SORCS1: variants seen among roughly 807,000 people sequenced by gnomAD.
The protein encoded by SORCS1 is sortilin related VPS10 domain containing receptor 1.
SORCS1 carries 60 observed loss-of-function variants against 146.1 expected under a neutral mutation model. The ratio of observed to expected loss-of-function variants is 0.41; its 90% confidence interval spans 0.33 to 0.51. The LOEUF (loss-of-function observed/expected upper bound fraction) is 0.51, where lower values mean the gene tolerates loss of function less well. Ranked by LOEUF, SORCS1 falls within the 20% of genes least tolerant of loss-of-function variation. The pLI, the probability that SORCS1 is intolerant of heterozygous loss-of-function variation, is 0.21. For missense variants in SORCS1, 1,352 were observed against 1,487.6 expected (o/e 0.91, Z 1.50); for synonymous variants, 637 against 584.0 (o/e 1.09, Z -1.31).
chr10:106,843,050 C>G (rs1350193004), intron 2 of SORCS1, among the ~76,000 whole-genome samples: 1 of 152,134 alleles, frequency 6.6e-6, no homozygotes, highest in Non-Finnish European at 1.5e-5. Context: ...GAAATAATTA[C>G]CACAATCTAC....
At chr10:106,997,874 C>T (rs1001760615) in intron 1 of SORCS1, among the ~76,000 whole-genome samples, 2 of 152,174 alleles carry the variant, frequency 1.3e-5, no homozygotes, top group Non-Finnish European at 1.5e-5. Flanking sequence ...TCCCAGTAAC[C>T]GCCCTCTCAA....
intron 1 of SORCS1, among the ~76,000 whole-genome samples, chr10:107,147,138 G>C (rs144720280): frequency 6.6e-6 from 1 of 152,134 alleles, no homozygotes; most frequent in Non-Finnish European, 1.5e-5. Flanking sequence ...GAAAGAAAAC[G>C]TAAGTTTAAC....
In SORCS1 at chr10:106,642,034, A is replaced by G. The variant is rs189973569; in HGVS notation, c.2475+10348T>C. Among the ~76,000 whole-genome samples, 4 of 152,350 alleles carry G rather than the reference A, an allele frequency of 2.6e-5. No individual in the cohort carries two copies. In the East Asian group the frequency reaches 7.7e-4, roughly 29 times the overall value. On this transcript the variant is annotated intron_variant, in intron 18 of 25. Coordinates refer to ENST00000263054, the MANE Select transcript of SORCS1 (RefSeq NM_052918.5). Reference sequence around the variant, plus strand: ...GTCAAAGAACAAATAAATAAATACAAACATCTAACTATTTGCTGAGACAGT... The same window carrying G: ...GTCAAAGAACAAATAAATAAATACAGACATCTAACTATTTGCTGAGACAGT...
At chr10:106,743,832 T>TA (rs1049256728) in intron 5 of SORCS1, among the ~76,000 whole-genome samples, 27 of 151,972 alleles carry the variant, frequency 1.8e-4, no homozygotes, top group African/African-American at 4.8e-4. Context: ...TATACAGAAG[T>TA]AAAAAAAAGG....
chr10:106,805,855 G>A (rs377463742), intron 3 of SORCS1, among the ~76,000 whole-genome samples: 7 of 151,498 alleles, frequency 4.6e-5, no homozygotes, highest in African/African-American at 1.7e-4. Context: ...TCAGGAGATC[G>A]AGACCATCCT....
rs58286732 is a variant in SORCS1 at position 107,088,806 on chromosome 10, T to C, written c.558+75163A>G. ...AAAATTTCATGAACAACTTCTATTG[T>C]AGCCCCTGAATTTGTCATGGTTCCT... On this transcript the variant is annotated intron_variant, in intron 1 of 25. Coordinates refer to ENST00000263054, the MANE Select transcript of SORCS1 (RefSeq NM_052918.5). Among the ~76,000 whole-genome samples the C allele has an allele frequency of 8.6e-3, 1,314 of 152,350 alleles. 28 individuals are homozygous for C. Among genetic ancestry groups the C allele is most frequent in the African/African-American group, 0.03 (1,251 of 41,582 alleles).
chr10:106,641,705 G>A (rs1436034429), intron 18 of SORCS1, among the ~76,000 whole-genome samples: 1 of 152,100 alleles, frequency 6.6e-6, no homozygotes, highest in Non-Finnish European at 1.5e-5. Context: ...AATCAGGAGT[G>A]ACATGATTCT....
In SORCS1 at chr10:106,661,985, G is replaced by T. The variant is rs576950941; in HGVS notation, c.2303+5704C>A. ...CTACTGTTCCACTGTGTGGGTATGA[G>T]AAACCCTGACGCCACTGGACCAAGG... On this transcript the variant is annotated intron_variant, in intron 17 of 25. Coordinates refer to ENST00000263054, the MANE Select transcript of SORCS1 (RefSeq NM_052918.5). 7.3e-4 allele frequency among the ~76,000 whole-genome samples: 111 copies of T among 152,328 alleles called. 1 individual carries two copies. Among genetic ancestry groups the T allele is most frequent in the African/African-American group, 2.5e-3 (106 of 41,586 alleles).
At chr10:107,073,066 G>T (rs1042385952) in intron 1 of SORCS1, among the ~76,000 whole-genome samples, 18 of 152,252 alleles carry the variant, frequency 1.2e-4, no homozygotes, top group Middle Eastern at 3.4e-3. Flanking sequence ...TCACTGTCTG[G>T]TCTCAATTAC....
intron 1 of SORCS1, among the ~76,000 whole-genome samples, chr10:107,002,318 G>C (rs75539045): frequency 3.6e-4 from 55 of 152,140 alleles, no homozygotes; most frequent in Non-Finnish European, 7.3e-4. Context: ...AGGTCAGACC[G>C]TATTGGAACT....
intron 1 of SORCS1, among the ~76,000 whole-genome samples, chr10:107,038,119 G>A (rs1207637045): frequency 1.3e-5 from 2 of 152,134 alleles, no homozygotes; most frequent in Admixed American, 6.6e-5. Flanking sequence ...CACTGCACCC[G>A]GCCCTTTATT....
intron 2 of SORCS1, among the ~76,000 whole-genome samples, chr10:106,943,196 C>G (rs994133238): frequency 6.6e-6 from 1 of 152,178 alleles, no homozygotes; most frequent in Admixed American, 6.5e-5. Flanking sequence ...TCTTACTTAA[C>G]TATCTGTGGT....
At position 107,085,839 on chromosome 10, in the gene SORCS1, C is replaced by T. The variant is rs141394832; in HGVS notation, c.558+78130G>A. ...AGACAATGAGCATTTTGTATTACGCCGAGGCAACTGCATTGAAGACACTAG... is the reference window on the plus strand; with the variant it reads ...AGACAATGAGCATTTTGTATTACGCTGAGGCAACTGCATTGAAGACACTAG... On this transcript the variant is annotated intron_variant, in intron 1 of 25. Coordinates refer to ENST00000263054, the MANE Select transcript of SORCS1 (RefSeq NM_052918.5). 1.2e-3 allele frequency among the ~76,000 whole-genome samples: 183 copies of T among 152,168 alleles called. 1 individual carries two copies. The highest frequency in any genetic ancestry group is 2.5e-3 in the South Asian group (12 of 4,818).
intron 1 of SORCS1, among the ~76,000 whole-genome samples, chr10:107,017,504 A>T (rs1296157449): frequency 6.6e-6 from 1 of 152,222 alleles, no homozygotes; most frequent in Admixed American, 6.5e-5. Context: ...TTTGACAGAA[A>T]AGGCAATGAT....
chr10:106,843,077 T>C (rs921967218), intron 2 of SORCS1, among the ~76,000 whole-genome samples: 2 of 152,242 alleles, frequency 1.3e-5, no homozygotes, highest in African/African-American at 4.8e-5. Context: ...ATATGTCCAT[T>C]ACCTCAAACA....
At chr10:106,818,652 G>A (rs1589465230) in intron 3 of SORCS1, among the ~76,000 whole-genome samples, 1 of 152,114 alleles carries the variant, frequency 6.6e-6, no homozygotes, top group African/African-American at 2.4e-5. Flanking sequence ...CCTCCAGCTG[G>A]AATTTTTTAG....
intron 1 of SORCS1, among the ~76,000 whole-genome samples, chr10:107,068,892 C>G (rs1962166044): frequency 6.6e-6 from 1 of 151,102 alleles, no homozygotes; most frequent in Non-Finnish European, 1.5e-5. Flanking sequence ...AAAAGGAAAC[C>G]TCACCATGAT....
chr10:106,897,142 A>G (rs760007470), intron 2 of SORCS1, among the ~76,000 whole-genome samples: 8 of 151,206 alleles, frequency 5.3e-5, no homozygotes, highest in Non-Finnish European at 1.2e-4. Flanking sequence ...CGGCCTCCCA[A>G]AGTGCTGGGA....
chr10:107,081,611 C>T (rs180830547), intron 1 of SORCS1, among the ~76,000 whole-genome samples: 91 of 152,156 alleles, frequency 6.0e-4, no homozygotes, highest in African/African-American at 2.1e-3. Context: ...TGTATTGTTG[C>T]TTATGGCTAT....
Sources: allele counts gnomAD v4.1 joint callset (sites outside exome capture counted in the v4.1 genomes callset), GRCh38; gene constraint gnomAD v4.1.1; transcripts MANE v1.5; gene names NCBI Gene and HGNC (gene_info 2026-07-23, HGNC 2026-07-21).